Variants in TPP2 observed in about 807,000 individuals in gnomAD.
TPP2 encodes tripeptidyl-peptidase 2.
In TPP2, 34 loss-of-function variants were observed where a neutral mutation model predicts 155.9. That is an observed-to-expected ratio of 0.22 (90% CI 0.17 to 0.29). TPP2 has a LOEUF of 0.29. TPP2 is among the 10% of genes least tolerant of loss of function. The pLI, the probability that TPP2 is intolerant of heterozygous loss-of-function variation, is 1.00. For missense variants in TPP2, 1,028 were observed against 1,522.3 expected, an observed-to-expected ratio of 0.68 and a Z score of 5.40; for synonymous variants, 510 against 529.4, an observed-to-expected ratio of 0.96 and a Z score of 0.50.
chr13:102,663,299 C>T (rs1360667457), intron 25 of TPP2, among the ~76,000 whole-genome samples: 1 of 152,098 alleles, frequency 6.6e-6, no homozygotes, highest in Admixed American at 6.5e-5. Context: ...AGGCATGTGC[C>T]ACCACCCCCA....
intron 27 of TPP2, among the ~76,000 whole-genome samples, chr13:102,667,011 C>T (rs1018073752): frequency 5.9e-5 from 9 of 151,906 alleles, no homozygotes; most frequent in African/African-American, 1.9e-4. Context: ...AGACTCTGAC[C>T]AGGTTGTGTT....
At position 102,599,598 on chromosome 13, in the gene TPP2, C is replaced by G. The variant is rs948546003; in HGVS notation, c.165+2395C>G. ...GAAGAACACAGTGGGTTGTCTCAGT[C>G]TTTGGTGACTTCCTTGGGCCCAATT... On this transcript the variant is annotated intron_variant, in intron 1 of 29. Coordinates refer to ENST00000376052, the MANE Select transcript of TPP2 (RefSeq NM_001330588.2). 2.0e-5 allele frequency among the ~76,000 whole-genome samples: 3 copies of G among 152,248 alleles called. No individual in the cohort carries two copies. The East Asian group carries it at 5.8e-4, about 29-fold the overall frequency.
chr13:102,651,737 A>AT (rs67649317), intron 24 of TPP2, among the ~76,000 whole-genome samples: 73,019 of 140,180 alleles, frequency 0.52, 17,690 homozygotes, highest in African/African-American at 0.6. Context: ...GGATGTGATA[A>AT]TTTTTTTTTT....
intron 16 of TPP2, 32 bp downstream of exon 16, chr13:102,640,408 A>T: frequency 6.5e-7 from 1 of 1,532,116 alleles, no homozygotes; most frequent in Non-Finnish European, 9.0e-7. Context: ...GTGACCGCTT[A>T]TCTCTGTTTA....
intron 28 of TPP2, 40 bp downstream of exon 28, chr13:102,674,530 T>G (rs763420551): frequency 6.2e-7 from 1 of 1,604,292 alleles, no homozygotes; most frequent in South Asian, 1.1e-5. Context: ...GTTCTTGGGG[T>G]TACCTCACAG....
chr13:102,617,800 T>A (rs1195570534), intron 4 of TPP2, among the ~76,000 whole-genome samples: 1 of 152,234 alleles, frequency 6.6e-6, no homozygotes, highest in Admixed American at 6.5e-5. Flanking sequence ...CTCTTATGAC[T>A]GCTCAACACT....
At chr13:102,609,737 C>T (rs1880129645) in intron 2 of TPP2, among the ~76,000 whole-genome samples, 1 of 151,974 alleles carries the variant, frequency 6.6e-6, no homozygotes, top group Admixed American at 6.6e-5. Context: ...AATAATTCAT[C>T]ATCACAAGAA....
intron 27 of TPP2, 110 bp downstream of exon 27, chr13:102,665,035 C>CTTAT (rs1884499181): frequency 7.6e-7 from 1 of 1,312,638 alleles, no homozygotes; most frequent in Non-Finnish European, 1.0e-6. Flanking sequence ...TTGTTATATC[C>CTTAT]TTATAATGGG....
chr13:102,610,189 A>G (rs890007136), intron 2 of TPP2, among the ~76,000 whole-genome samples: 5 of 152,154 alleles, frequency 3.3e-5, no homozygotes, highest in African/African-American at 9.7e-5. Context: ...GAAGTCTTCA[A>G]GTTTCTTTGA....
rs1169789372 is a variant in TPP2 at position 102,616,232 on chromosome 13, C to T, written c.391-164C>T. 2.6e-5 allele frequency among the ~76,000 whole-genome samples: 4 copies of T among 152,232 alleles called. No individual in the cohort carries two copies. The South Asian group carries it at 6.2e-4, about 24-fold the overall frequency. ...TCAGCCTTCCAAATTGTTAGGATTACAGGCGTGAGCCACCACACCCGGCCA... is the reference window on the plus strand; with the variant it reads ...TCAGCCTTCCAAATTGTTAGGATTATAGGCGTGAGCCACCACACCCGGCCA... On this transcript the variant is annotated intron_variant, in intron 3 of 29. Coordinates refer to ENST00000376052, the MANE Select transcript of TPP2 (RefSeq NM_001330588.2).
Position 102,614,141 on chromosome 13 carries a change from T to C in TPP2, c.335T>C (p.Ile112Thr), listed in dbSNP as rs1260903810. 9 of 1,613,516 alleles carry C rather than the reference T, an allele frequency of 5.6e-6. No individual in the cohort carries two copies. Among genetic ancestry groups the C allele is most frequent in the Non-Finnish European group, 7.6e-6 (9 of 1,179,754 alleles). The change falls in exon 3 of 30, where the codon ATT becomes ACT. Residue 112 changes from isoleucine (I) to threonine (T), a missense_variant. Coordinates refer to ENST00000376052, the MANE Select transcript of TPP2 (RefSeq NM_001330588.2). ...ACAAATCCCTCAGGCAAATATCATA[T>C]TGGCATAAAAAATGGCTATGACTTC... Reference protein sequence around the residue: ...SWTNPSGKYHIGIKNGYDFYP... With the variant: ...SWTNPSGKYHTGIKNGYDFYP...
At chr13:102,661,911 T>C (rs1442142473) in intron 25 of TPP2, among the ~76,000 whole-genome samples, 3 of 152,170 alleles carry the variant, frequency 2.0e-5, no homozygotes, top group Non-Finnish European at 4.4e-5. Context: ...GGCCCAGCAG[T>C]TCCACTCCCA....
At chr13:102,618,581 A>G (rs2139451043) in intron 4 of TPP2, 141 bp from the exon 5 acceptor site, 2 of 1,024,730 alleles carry the variant, frequency 2.0e-6, no homozygotes, top group Middle Eastern at 3.3e-4. Flanking sequence ...GACAAGTTGC[A>G]TAGATAGAAC....
chr13:102,597,465 C>T (rs777367033), intron 1 of TPP2, among the ~76,000 whole-genome samples: 4 of 152,162 alleles, frequency 2.6e-5, no homozygotes, highest in Non-Finnish European at 1.5e-5. Flanking sequence ...CCCCCCAGCT[C>T]AACAAAAGCA....
At chr13:102,664,299 A>G (rs1001334110) in intron 26 of TPP2, among the ~76,000 whole-genome samples, 1 of 152,202 alleles carries the variant, frequency 6.6e-6, no homozygotes, top group Non-Finnish European at 1.5e-5. Context: ...TGGGAACATC[A>G]TGGTAATCAC....
At chr13:102,605,864 C>T (rs549537903) in intron 2 of TPP2, among the ~76,000 whole-genome samples, 24 of 152,120 alleles carry the variant, frequency 1.6e-4, no homozygotes, top group Admixed American at 5.2e-4. Context: ...GCTGGGATTA[C>T]AGGTGCCCGC....
intron 27 of TPP2, among the ~76,000 whole-genome samples, chr13:102,665,432 G>A (rs2442704): frequency 0.5 from 75,352 of 151,916 alleles, 19,072 homozygotes; most frequent in African/African-American, 0.6. Context: ...AGGGAGAATA[G>A]GAGGAGAGAA....
chr13:102,633,915 C>G, intron 10 of TPP2, 35 bp from the exon 11 acceptor site: 1 of 1,611,928 alleles, frequency 6.2e-7, no homozygotes, highest in African/African-American at 1.3e-5. Context: ...TTAGCTTTCA[C>G]CATCCTAAGC....
chr13:102,663,824 T>C, intron 26 of TPP2, 80 bp downstream of exon 26: 1 of 1,029,428 alleles, frequency 9.7e-7, no homozygotes, highest in South Asian at 1.8e-5. Context: ...TGCATTATCT[T>C]TCTCTTCTGT....
Sources: gnomAD v4.1 joint callset for allele counts (sites outside exome capture counted in the v4.1 genomes callset) on GRCh38, gnomAD v4.1.1 for gene constraint, MANE v1.5 for transcripts, NCBI Gene and HGNC (gene_info 2026-07-23, HGNC 2026-07-21) for gene names.